Variants in ALDH3A2 observed in about 807,000 individuals in gnomAD.
ALDH3A2 encodes the protein aldehyde dehydrogenase family 3 member A2.
Under a neutral mutation model 51.3 loss-of-function variants are expected in ALDH3A2, and 36 were observed. The observed-to-expected ratio is 0.70, with a 90% CI of 0.54 to 0.93. ALDH3A2 has a LOEUF of 0.93. ALDH3A2 is among the 40% of genes least tolerant of loss of function. The pLI is 0.00. For missense variants in ALDH3A2, 552 were observed against 603.1 expected, an observed-to-expected ratio of 0.92 and a Z score of 0.89; for synonymous variants, 199 against 219.8, an observed-to-expected ratio of 0.91 and a Z score of 0.84.
chr17:19,667,442 AT>A (rs1460048601), intron 8 of ALDH3A2, among the ~76,000 whole-genome samples: 7 of 152,234 alleles, frequency 4.6e-5, no homozygotes, highest in Admixed American at 1.3e-4. Context: ...GGCTTATACA[AT>A]TTTCCAAATT....
intron 6 of ALDH3A2, among the ~76,000 whole-genome samples, chr17:19,662,336 G>A (rs1365268836): frequency 1.3e-5 from 2 of 152,178 alleles, no homozygotes; most frequent in African/African-American, 4.8e-5. Context: ...TGTGGGCAAT[G>A]GATTTGGAGT....
chr17:19,655,051 A>T (rs2084876428), intron 3 of ALDH3A2, among the ~76,000 whole-genome samples: 1 of 152,236 alleles, frequency 6.6e-6, no homozygotes, highest in African/African-American at 2.4e-5. Context: ...AACTGCGGGT[A>T]GTTCATCTGT....
chr17:19,672,049 A>G, intron 9 of ALDH3A2, 93 bp downstream of exon 9: 1 of 1,219,376 alleles, frequency 8.2e-7, no homozygotes, highest in Non-Finnish European at 1.2e-6. Context: ...ATTAACTTGT[A>G]GAGTCTAAGA....
chr17:19,651,908 A>G, intron 2 of ALDH3A2, 130 bp downstream of exon 2: 1 of 842,124 alleles, frequency 1.2e-6, no homozygotes, highest in Non-Finnish European at 2.0e-6. Flanking sequence ...CCACCAGTGT[A>G]CTGAGAATTC....
At chr17:19,658,024 A>G (rs1468000306) in intron 5 of ALDH3A2, among the ~76,000 whole-genome samples, 162 bp downstream of exon 5, 2 of 152,262 alleles carry the variant, frequency 1.3e-5, no homozygotes, top group Admixed American at 1.3e-4. Flanking sequence ...TATGTGTACC[A>G]TAGAATATAT....
intron 8 of ALDH3A2, among the ~76,000 whole-genome samples, chr17:19,667,358 A>G (rs2085052689): frequency 6.6e-6 from 1 of 152,178 alleles, no homozygotes; most frequent in East Asian, 1.9e-4. Context: ...CGATTCTTAT[A>G]TAATGTATCT....
chr17:19,653,264 C>G (rs377076048), intron 3 of ALDH3A2, among the ~76,000 whole-genome samples: 3 of 151,946 alleles, frequency 2.0e-5, no homozygotes, highest in Non-Finnish European at 2.9e-5. Context: ...AGGCTGGTCT[C>G]GAGCTCCTGA....
At chr17:19,663,256 C>T in intron 6 of ALDH3A2, 77 bp from the exon 7 acceptor site, 1 of 1,525,750 alleles carries the variant, frequency 6.6e-7, no homozygotes, top group South Asian at 1.1e-5. Context: ...GATAAGTGAC[C>T]CAATGAAAGA....
Position 19,671,949 on chromosome 17 carries a change from T to G in ALDH3A2, c.1436T>G (p.Leu479Arg). The G allele has an allele frequency of 1.2e-6, 2 of 1,614,048 alleles. No homozygotes were observed. Among genetic ancestry groups the G allele is most frequent in the South Asian group, 2.2e-5 (2 of 91,078 alleles). Residue 479 changes from leucine to arginine, a missense_variant, in exon 9 of 10, where the codon CTT becomes CGT. By Grantham distance (102) the Leu-to-Arg change is moderately radical. Transcript: ENST00000176643. ...LTFLGIVAAVLVKAEYY is the reference protein window; with the variant it reads ...LTFLGIVAAVRVKAEYY ...TTCCTGGGTATTGTAGCCGCTGTGC[T>G]TGTCAAGGTGAGTCCCTATAACCCA...
chr17:19,665,093 C>T (rs2085018051), intron 8 of ALDH3A2, 46 bp downstream of exon 8: 2 of 1,517,222 alleles, frequency 1.3e-6, no homozygotes, highest in African/African-American at 2.7e-5. Flanking sequence ...TCAAAAGCAC[C>T]ACCATTTCAT....
chr17:19,653,028 C>G (rs2084838716), intron 3 of ALDH3A2, among the ~76,000 whole-genome samples: 1 of 150,538 alleles, frequency 6.6e-6, no homozygotes, highest in Non-Finnish European at 1.5e-5. Context: ...ATGTACTTTT[C>G]TGTGATTATA....
chr17:19,659,763 C>T (rs2084943184), intron 5 of ALDH3A2: 1 of 151,324 alleles, frequency 6.6e-6, no homozygotes, highest in Non-Finnish European at 1.5e-5. Flanking sequence ...ATCGCTTGAT[C>T]CTCCTGGGAG....
rs979750113 is a variant in ALDH3A2, at chr17:19,676,705, C to G, written c.*1133C>G. ...AAGTACTTATAAACATACTAATCCT[C>G]TTTCAGGACCCTAAAGTTGCAGGTT... On this transcript the variant is annotated 3_prime_UTR_variant, in exon 10 of 10. Transcript: ENST00000176643. 1 of 152,214 alleles carries G rather than the reference C, an allele frequency of 6.6e-6. No individual in the cohort carries two copies. The highest frequency in any genetic ancestry group is 1.5e-5 in the Non-Finnish European group (1 of 68,044). 9.4% of individuals were successfully genotyped at this position (152,214 alleles called of 1,614,324 possible).
At position 19,657,370 on chromosome 17, in the gene ALDH3A2, A is replaced by G. The variant is rs4646799; in HGVS notation, c.681-375A>G. On this transcript the variant is annotated intron_variant, in intron 4 of 9. Transcript: ENST00000176643. ...CTTGCAGGCAGAGCCAAAAGCCACA[A>G]CCAGGAGAGTCTGTACCGAACTCTG... Among the ~76,000 whole-genome samples, 21 of 152,328 alleles carry G rather than the reference A, an allele frequency of 1.4e-4. No homozygotes were observed. The East Asian group carries it at 3.9e-3, about 28-fold the overall frequency.
At position 19,652,707 on chromosome 17, in the gene ALDH3A2, A is replaced by T. The variant is rs552272011; in HGVS notation, c.471+75A>T. ...ACACATTTTATTTTCTTGCTATTGC[A>T]TGTTATTGCTGGCCGGGGACCCAAT... On this transcript the variant is annotated intron_variant, in intron 3 of 9. Transcript: ENST00000176643. 6.2e-6 allele frequency: 8 copies of T among 1,282,882 alleles called. No homozygotes were observed. The South Asian group carries it at 8.3e-5, about 13-fold the overall frequency. 79.5% of individuals were successfully genotyped at this position (1,282,882 alleles called of 1,614,324 possible).
At chr17:19,666,153 G>C (rs140336089) in intron 8 of ALDH3A2, among the ~76,000 whole-genome samples, 200 of 152,174 alleles carry the variant, frequency 1.3e-3, no homozygotes, top group African/African-American at 4.4e-3. Flanking sequence ...GAAAGGGAAG[G>C]GGGTATTTTT....
rs7216 is a variant in ALDH3A2 at position 19,675,560 on chromosome 17, A to C, written c.1446A>C (p.Ala482=). 3.7e-6 allele frequency: 6 copies of C among 1,613,272 alleles called. No individual in the cohort carries two copies. Among genetic ancestry groups the C allele is most frequent in the Non-Finnish European group, 5.1e-6 (6 of 1,179,392 alleles). Residue 482 remains alanine, a splice_region_variant and synonymous_variant, in exon 10 of 10, where the codon GCA becomes GCC. Coordinates refer to ENST00000176643, the MANE Select transcript of ALDH3A2 (RefSeq NM_000382.3). ...GAATCCTTTTTTCCTCTCTCCAGGC[A>C]GAATATTACTGAAGAATGATCCTGT... ...LGIVAAVLVK[A]EYY
intron 8 of ALDH3A2, among the ~76,000 whole-genome samples, chr17:19,669,402 T>C (rs544519732): frequency 5.3e-5 from 8 of 152,278 alleles, no homozygotes; most frequent in African/African-American, 1.7e-4. Flanking sequence ...AAGAGTAAAC[T>C]ATGCTGGCAC....
chr17:19,672,349 G>T (rs2085129348), intron 9 of ALDH3A2: 1 of 233,358 alleles, frequency 4.3e-6, no homozygotes, highest in Admixed American at 5.1e-5. Context: ...GACTTTCCTT[G>T]TCACTTACAG....
Sources: allele counts gnomAD v4.1 joint callset (sites outside exome capture counted in the v4.1 genomes callset), GRCh38; gene constraint gnomAD v4.1.1; transcripts MANE v1.5; gene names NCBI Gene and HGNC (gene_info 2026-07-23, HGNC 2026-07-21).